ADAM15: variants seen among roughly 807,000 people sequenced by gnomAD.
ADAM15 encodes ADAM metallopeptidase domain 15, also known as disintegrin and metalloproteinase domain-containing protein 15.
Under a neutral mutation model 113.8 loss-of-function variants are expected in ADAM15, and 77 were observed. That is an observed-to-expected ratio of 0.68 (90% CI 0.56 to 0.82). The LOEUF is 0.82. Ranked by LOEUF, ADAM15 falls within the 40% of genes least tolerant of loss-of-function variation. The probability of loss-of-function intolerance (pLI) is 0.00; values close to 1 mark genes in which losing one functional copy is unlikely to be tolerated. For missense variants in ADAM15, 963 were observed against 1,120.1 expected, an observed-to-expected ratio of 0.86 and a Z score of 2.00; for synonymous variants, 388 against 454.1, an observed-to-expected ratio of 0.85 and a Z score of 1.85.
Position 155,060,772 on chromosome 1 carries a change from A to G in ADAM15, c.2217A>G (p.Gln739=), listed in dbSNP as rs780975308. Residue 739 remains glutamine (Q), a synonymous_variant, in exon 19 of 23, where the codon CAA becomes CAG. Transcript: ENST00000356955. ...CTTTCCTCATGCATAGGGCAGCCCA[A>G]TCTGGTCCCTCTGAACGGCCAGGAC... ...KGPTCQYRAA[Q]SGPSERPGPP... 20 of 1,613,810 alleles carry G rather than the reference A, an allele frequency of 1.2e-5. No homozygotes were observed. The highest frequency in any genetic ancestry group is 1.7e-4 in the Middle Eastern group (1 of 6,060).
At position 155,062,380 on chromosome 1, in the gene ADAM15, C is replaced by T; in HGVS notation, c.2549+11C>T. ...AGTGGTACCCTCCAGGTAGGAGGAGCCCTGGGCATGGGTGGGCGGGGCGAG... is the reference window on the plus strand; with the variant it reads ...AGTGGTACCCTCCAGGTAGGAGGAGTCCTGGGCATGGGTGGGCGGGGCGAG... On this transcript the variant is annotated intron_variant, in intron 22 of 22. Coordinates refer to ENST00000356955, the MANE Select transcript of ADAM15 (RefSeq NM_207197.3). The surrounding 1 kb of genome is among the most constrained non-coding windows in gnomAD (Gnocchi z 7.0). The T allele has an allele frequency of 1.9e-6, 3 of 1,604,274 alleles. No individual in the cohort carries two copies. Among genetic ancestry groups the T allele is most frequent in the Non-Finnish European group, 2.6e-6 (3 of 1,176,070 alleles).
At position 155,059,252 on chromosome 1, in the gene ADAM15, G is replaced by C. The variant is rs1662223151; in HGVS notation, c.1995+465G>C. ...CCAGCTAATTTTTGTATTTTCAGTA[G>C]AGATGGGTTTCACCATGTTGGCCAG... On this transcript the variant is annotated intron_variant, in intron 16 of 22. Transcript: ENST00000356955. Among the ~76,000 whole-genome samples the C allele has an allele frequency of 2.0e-5, 3 of 152,106 alleles. No homozygotes were observed. The South Asian group carries it at 6.2e-4, about 31-fold the overall frequency.
chr1:155,061,739 CCT>C (rs749911517), intron 20 of ADAM15, 163 bp from the exon 21 acceptor site: 2 of 873,330 alleles, frequency 2.3e-6, no homozygotes, highest in Non-Finnish European at 1.8e-6. Context: ...ACCTTCCTCC[CCT>C]GAGACATCAG....
At position 155,058,428 on chromosome 1, in the gene ADAM15, G is replaced by A; in HGVS notation, c.1904G>A (p.Cys635Tyr). The A allele has an allele frequency of 3.1e-6, 5 of 1,612,078 alleles. No homozygotes were observed. Among genetic ancestry groups the A allele is most frequent in the East Asian group, 2.2e-5 (1 of 44,880 alleles). The change falls in exon 15 of 23, where the codon TGT becomes TAT. Residue 635 changes from cysteine to tyrosine, a missense_variant. Physicochemically the swap from Cys to Tyr is radical, Grantham distance 194. Transcript: ENST00000356955. This position sits in a 1 kb window ranked among gnomAD's most constrained non-coding sequence, Gnocchi z 4.3. ...CTCCTGACTCTGCCTGGCACAGCCTGTGGCCCTGGCCTGGTGAGCAGCCTG... is the reference window on the plus strand; with the variant it reads ...CTCCTGACTCTGCCTGGCACAGCCTATGGCCCTGGCCTGGTGAGCAGCCTG... Reference protein sequence around the residue: ...QPLLTLPGTACGPGLVCIDHR... With the variant: ...QPLLTLPGTAYGPGLVCIDHR...
At position 155,055,984 on chromosome 1, in the gene ADAM15, C is replaced by A; in HGVS notation, c.728C>A (p.Ala243Asp). 1.2e-6 allele frequency: 2 copies of A among 1,613,982 alleles called. No individual in the cohort carries two copies. The highest frequency in any genetic ancestry group is 1.7e-6 in the Non-Finnish European group (2 of 1,180,026). Residue 243 changes from alanine to aspartate, a missense_variant, in exon 8 of 23, where the codon GCC becomes GAC. Ala to Asp is a moderately radical substitution (Grantham distance 126). Transcript: ENST00000356955. ...CTGCTAAACCGCACACTGGAAGTGGCCCTCTTGCTGGACACAGTGAGTGCT... is the reference window on the plus strand; with the variant it reads ...CTGCTAAACCGCACACTGGAAGTGGACCTCTTGCTGGACACAGTGAGTGCT... ...QHLLNRTLEV[A>D]LLLDTFFRPL...
chr1:155,062,052 G>A lies in ADAM15; in HGVS notation c.2424+77G>A. ...GGTGCTGGTAGCCATGACGGTGGTG[G>A]CCGTGGCGAGATGCCCCCTCAGTGC... On this transcript the variant is annotated intron_variant, in intron 21 of 22. Transcript: ENST00000356955. The surrounding 1 kb of genome is among the most constrained non-coding windows in gnomAD (Gnocchi z 7.0). The A allele has an allele frequency of 6.8e-7, 1 of 1,480,246 alleles. No individual in the cohort carries two copies. The highest frequency in any genetic ancestry group is 1.4e-5 in the South Asian group (1 of 70,038). 91.7% of individuals were successfully genotyped at this position (1,480,246 alleles called of 1,614,324 possible).
chr1:155,061,581 C>A, intron 20 of ADAM15, 92 bp downstream of exon 20: 1 of 1,367,106 alleles, frequency 7.3e-7, no homozygotes, highest in Non-Finnish European at 1.0e-6. Context: ...GCCAGTGGTG[C>A]TCTTCATTAG....
chr1:155,055,560 C>T (rs868047577), intron 6 of ADAM15: 3 of 574,690 alleles, frequency 5.2e-6, no homozygotes, highest in South Asian at 2.1e-5. Context: ...AAAAAAACCA[C>T]TGAGTTTGGA....
Position 155,057,505 on chromosome 1 carries a change from C to A in ADAM15, c.1324-132C>A. The A allele has an allele frequency of 6.7e-7, 1 of 1,483,446 alleles. No individual in the cohort carries two copies. Among genetic ancestry groups the A allele is most frequent in the Non-Finnish European group, 9.3e-7 (1 of 1,079,652 alleles). The allele number at this position is 1,483,446 out of a possible 1,614,324, so 91.9% of individuals were successfully genotyped here. On this transcript the variant is annotated intron_variant, in intron 12 of 22. Transcript: ENST00000356955. This position sits in a 1 kb window ranked among gnomAD's most constrained non-coding sequence, Gnocchi z 5.0. The stretch of plus-strand genomic sequence containing the variant: ...ACTTGCCCTGTCTGTGGGGACAGCA[C>A]ATGGGTTGTTGGGCTCTAGCCCTCG...
In ADAM15 at chr1:155,062,600, C is replaced by T; in HGVS notation, c.*98C>T. The T allele has an allele frequency of 6.7e-7, 1 of 1,495,902 alleles. No individual in the cohort carries two copies. The highest frequency in any genetic ancestry group is 1.2e-5 in the South Asian group (1 of 83,604). 92.7% of individuals were successfully genotyped at this position (1,495,902 alleles called of 1,614,324 possible). ...CTACCATGACTGAAGGCGCCAGAGA[C>T]TGGCGGTGTCTTAAGACTCCGGGCA... is the stretch of plus-strand genomic sequence containing the variant. On this transcript the variant is annotated 3_prime_UTR_variant, in exon 23 of 23. Transcript: ENST00000356955. The surrounding 1 kb of genome is among the most constrained non-coding windows in gnomAD (Gnocchi z 7.0).
chr1:155,058,234 C>T lies in ADAM15; in HGVS notation c.1722-12C>T, dbSNP rs370770066. On this transcript the variant is annotated splice_polypyrimidine_tract_variant and intron_variant, in intron 14 of 22. Transcript: ENST00000356955. This position sits in a 1 kb window ranked among gnomAD's most constrained non-coding sequence, Gnocchi z 4.3. ...TCCTACTAACTCTGTGTGCCCTTCC[C>T]CCTCCCCACAGAGATGCCATTTGTG... 6.2e-7 allele frequency: 1 copy of T among 1,613,970 alleles called. No homozygotes were observed. The highest frequency in any genetic ancestry group is 8.5e-7 in the Non-Finnish European group (1 of 1,179,984).
chr1:155,052,227 C>T (rs543300416), intron 1 of ADAM15: 2 of 468,766 alleles, frequency 4.3e-6, no homozygotes, highest in South Asian at 2.5e-5. Flanking sequence ...GGTGTTTGCA[C>T]TGCTCACCCA....
rs1348382196 is a variant in ADAM15 at position 155,059,887 on chromosome 1, C to T, written c.1996-15C>T. 4.3e-6 allele frequency: 7 copies of T among 1,613,248 alleles called. No homozygotes were observed. The highest frequency in any genetic ancestry group is 2.2e-5 in the East Asian group (1 of 44,890). ...AGAGTGCAGAGCTCCTCATTGCTCG[C>T]CTTGTACCTCCTAGGTCTGTGACAG... On this transcript the variant is annotated splice_polypyrimidine_tract_variant and intron_variant, in intron 16 of 22. Coordinates refer to ENST00000356955, the MANE Select transcript of ADAM15 (RefSeq NM_207197.3).
chr1:155,057,619 C>G lies in ADAM15; in HGVS notation c.1324-18C>G, dbSNP rs1661958453. The G allele has an allele frequency of 1.2e-6, 2 of 1,613,960 alleles. No individual in the cohort carries two copies. The highest frequency in any genetic ancestry group is 1.7e-6 in the Non-Finnish European group (2 of 1,179,868). ...CCCCACCTGCTCTGATGCCCGGCCCCCGTGCTCCTGCCCACAGGACTGCGT... is the reference window on the plus strand; with the variant it reads ...CCCCACCTGCTCTGATGCCCGGCCCGCGTGCTCCTGCCCACAGGACTGCGT... On this transcript the variant is annotated intron_variant, in intron 12 of 22. Transcript: ENST00000356955. This position sits in a 1 kb window ranked among gnomAD's most constrained non-coding sequence, Gnocchi z 5.0.
Position 155,062,591 on chromosome 1 carries a change from C to A in ADAM15, c.*89C>A. 1 of 1,524,398 alleles carries A rather than the reference C, an allele frequency of 6.6e-7. No homozygotes were observed. Among genetic ancestry groups the A allele is most frequent in the Non-Finnish European group, 8.9e-7 (1 of 1,120,490 alleles). The allele number at this position is 1,524,398 out of a possible 1,614,324, so 94.4% of individuals were successfully genotyped here. A position where few individuals can be genotyped will look rare whatever the true frequency, so the allele number is the denominator to read the frequency against. ...TGGAGTCCCCTACCATGACTGAAGG[C>A]GCCAGAGACTGGCGGTGTCTTAAGA... On this transcript the variant is annotated 3_prime_UTR_variant, in exon 23 of 23. Transcript: ENST00000356955. This position sits in a 1 kb window ranked among gnomAD's most constrained non-coding sequence, Gnocchi z 7.0.
intron 4 of ADAM15, 64 bp from the exon 5 acceptor site, chr1:155,054,086 G>A: frequency 1.9e-6 from 3 of 1,612,862 alleles, no homozygotes; most frequent in Non-Finnish European, 2.5e-6. Context: ...CGTCAAGCTA[G>A]GCTCCTCAGT....
Position 155,060,298 on chromosome 1 carries a change from T to C in ADAM15, c.2162T>C (p.Leu721Pro). 6.2e-7 allele frequency: 1 copy of C among 1,614,110 alleles called. No individual in the cohort carries two copies. The highest frequency in any genetic ancestry group is 8.5e-7 in the Non-Finnish European group (1 of 1,179,998). ...LGASYWYRAR[L>P]HQRLCQLKGP... ...GCCAGCTACTGGTACCGTGCCCGCC[T>C]GCACCAGCGACTCTGCCAGCTCAAG... Residue 721 changes from leucine to proline, a missense_variant, in exon 18 of 23, where the codon CTG becomes CCG. By Grantham distance (98) the Leu-to-Pro change is moderately conservative (BLOSUM62 -3). Transcript: ENST00000356955.
At position 155,057,771 on chromosome 1, in the gene ADAM15, G is replaced by A. The variant is rs1661992010; in HGVS notation, c.1416+42G>A. 1.2e-6 allele frequency: 2 copies of A among 1,613,980 alleles called. No individual in the cohort carries two copies. Among genetic ancestry groups the A allele is most frequent in the South Asian group, 2.2e-5 (2 of 91,080 alleles). ...CTGGCCACCCGGAGCTCACCTGCCG[G>A]GGCCAAGGTGGAAAGGGTCATTCTG... On this transcript the variant is annotated intron_variant, in intron 13 of 22. Transcript: ENST00000356955. The surrounding 1 kb of genome is among the most constrained non-coding windows in gnomAD (Gnocchi z 5.0).
Position 155,058,470 on chromosome 1 carries a change from T to C in ADAM15, c.1917+29T>C. ...AGCAGCCTGGGTGGGCAAGACCAGG[T>C]GTGAGAAGGGACATTTGGACCACAA... On this transcript the variant is annotated intron_variant, in intron 15 of 22. Transcript: ENST00000356955. The surrounding 1 kb of genome is among the most constrained non-coding windows in gnomAD (Gnocchi z 4.3). 2 of 1,606,058 alleles carry C rather than the reference T, an allele frequency of 1.2e-6. No individual in the cohort carries two copies. Among genetic ancestry groups the C allele is most frequent in the Non-Finnish European group, 8.5e-7 (1 of 1,179,404 alleles).
Sources: gnomAD v4.1 joint callset for allele counts (sites outside exome capture counted in the v4.1 genomes callset) on GRCh38, gnomAD v4.1.1 for gene constraint, Gnocchi (gnomAD v3.1) non-coding constraint, MANE v1.5 for transcripts, NCBI Gene and HGNC (gene_info 2026-07-23, HGNC 2026-07-21) for gene names.